The following KCNMB2 variants were observed in gnomAD, a reference collection of about 807,000 sequenced individuals.
KCNMB2 encodes potassium calcium-activated channel subfamily M regulatory beta subunit 2, also known as calcium-activated potassium channel subunit beta-2.
Under a neutral mutation model 24.5 loss-of-function variants are expected in KCNMB2, and 9 were observed. The observed-to-expected ratio is 0.37, with a 90% confidence interval of 0.22 to 0.64. KCNMB2 has a LOEUF of 0.64. Ranked by LOEUF, KCNMB2 falls within the 30% of genes least tolerant of loss-of-function variation. The pLI is 0.63. For missense variants in KCNMB2, 226 were observed against 284.3 expected (o/e 0.79, Z 1.47); for synonymous variants, 109 against 104.4 (o/e 1.04, Z -0.27).
chr3:178,587,509 C>T (rs542664442), intron 1 of KCNMB2, among the ~76,000 whole-genome samples: 3 of 152,148 alleles, frequency 2.0e-5, no homozygotes, highest in South Asian at 2.1e-4. Flanking sequence ...CTGCAACCTC[C>T]GCCTCCCGGG....
At chr3:178,660,966 T>C (rs760490177) in intron 1 of KCNMB2, among the ~76,000 whole-genome samples, 62 of 148,304 alleles carry the variant, frequency 4.2e-4, no homozygotes, top group Non-Finnish European at 7.4e-4. Flanking sequence ...CCTTCAGTGT[T>C]TTTTATATAT....
chr3:178,700,435 G>A (rs1053200699), intron 1 of KCNMB2, among the ~76,000 whole-genome samples: 1 of 152,166 alleles, frequency 6.6e-6, no homozygotes, highest in Admixed American at 6.5e-5. Context: ...TCCTTACCAG[G>A]GAGGTAAATT....
intron 1 of KCNMB2, among the ~76,000 whole-genome samples, chr3:178,744,763 T>C (rs535466786): frequency 6.6e-6 from 1 of 151,892 alleles, no homozygotes; most frequent in African/African-American, 2.4e-5. Flanking sequence ...AGACCTGCAA[T>C]GAACCCAGGG....
In KCNMB2 at chr3:178,807,366, C is replaced by T. The variant is rs80088676; in HGVS notation, c.-44C>T. ...AGGTCTTTTTGCCATTCCTCCAGGA[C>T]ATCCACCATAAGGAAAGGAGACCCT... On this transcript the variant is annotated 5_prime_UTR_variant, in exon 2 of 5. Coordinates refer to ENST00000452583, the MANE Select transcript of KCNMB2 (RefSeq NM_181361.3). 23 of 1,552,902 alleles carry T rather than the reference C, an allele frequency of 1.5e-5. No individual in the cohort carries two copies. In the African/African-American group the frequency reaches 3.0e-4, roughly 20 times the overall value.
chr3:178,745,364 G>C (rs940924252), intron 1 of KCNMB2, among the ~76,000 whole-genome samples: 1 of 152,114 alleles, frequency 6.6e-6, no homozygotes. Flanking sequence ...CAGATCTTGT[G>C]AGACTTATTT....
At chr3:178,758,125 T>C (rs139556382) in intron 1 of KCNMB2, among the ~76,000 whole-genome samples, 9 of 71,872 alleles carry the variant, frequency 1.3e-4, no homozygotes, top group Non-Finnish European at 2.8e-4. Flanking sequence ...GATATATATA[T>C]GTACACACAA....
intron 1 of KCNMB2, among the ~76,000 whole-genome samples, chr3:178,568,688 A>G (rs753324837): frequency 6.7e-6 from 1 of 150,260 alleles, no homozygotes; most frequent in Admixed American, 6.6e-5. Flanking sequence ...AGGAATACTT[A>G]TTGAACTAAT....
intron 1 of KCNMB2, among the ~76,000 whole-genome samples, chr3:178,662,119 C>T (rs1720554242): frequency 6.6e-6 from 1 of 152,152 alleles, no homozygotes. Context: ...ATATTGTTTT[C>T]ACAATTATAA....
In KCNMB2 at chr3:178,567,237, G is replaced by A. The variant is rs989695043; in HGVS notation, c.-68+30526G>A. 2.3e-4 allele frequency among the ~76,000 whole-genome samples: 34 copies of A among 150,494 alleles called. 1 individual carries two copies. Among genetic ancestry groups the A allele is most frequent in the South Asian group, 1.7e-3 (8 of 4,800 alleles). ...TACACATGTGTGAGAGCGTGTGAGAGTGTGTGTGTGTGTCTAAATAGCTCA... is the reference window on the plus strand; with the variant it reads ...TACACATGTGTGAGAGCGTGTGAGAATGTGTGTGTGTGTCTAAATAGCTCA... On this transcript the variant is annotated intron_variant, in intron 1 of 4. Coordinates refer to ENST00000452583, the MANE Select transcript of KCNMB2 (RefSeq NM_181361.3).
At position 178,663,105 on chromosome 3, in the gene KCNMB2, G is replaced by A. The variant is rs991911121; in HGVS notation, c.-68+126394G>A. Among the ~76,000 whole-genome samples the A allele has an allele frequency of 4.6e-5, 7 of 152,082 alleles. No individual in the cohort carries two copies. The South Asian group carries it at 8.3e-4, about 18-fold the overall frequency. ...CTAGGACAGCAGAGCCTCTCTCTCC[G>A]TTGGTCCCTCATCTTCAAGGAGGCT... On this transcript the variant is annotated intron_variant, in intron 1 of 4. Coordinates refer to ENST00000452583, the MANE Select transcript of KCNMB2 (RefSeq NM_181361.3).
chr3:178,712,967 G>A lies in KCNMB2; in HGVS notation c.-67-94376G>A, dbSNP rs140353940. ...CAAACTCATAGCCCTAGCCCACAGG[G>A]GGCTGGAAACAAGAACCCAGGTTTC... is the stretch of plus-strand genomic sequence containing the variant. On this transcript the variant is annotated intron_variant, in intron 1 of 4. Transcript: ENST00000452583. 2.6e-4 allele frequency among the ~76,000 whole-genome samples: 39 copies of A among 152,262 alleles called. 1 individual carries two copies. The South Asian group carries it at 7.7e-3, about 30-fold the overall frequency.
chr3:178,670,044 G>A (rs148332492), intron 1 of KCNMB2, among the ~76,000 whole-genome samples: 119 of 152,218 alleles, frequency 7.8e-4, no homozygotes, highest in African/African-American at 2.5e-3. Flanking sequence ...GAAAGGATTC[G>A]AAGTTGAGCT....
chr3:178,794,054 G>A (rs141158036), intron 1 of KCNMB2, among the ~76,000 whole-genome samples: 47 of 152,256 alleles, frequency 3.1e-4, no homozygotes, highest in African/African-American at 1.1e-3. Flanking sequence ...CATGTAACAT[G>A]TAACAAGGGA....
chr3:178,742,397 A>C (rs1723524162), intron 1 of KCNMB2, among the ~76,000 whole-genome samples: 1 of 152,242 alleles, frequency 6.6e-6, no homozygotes, highest in Non-Finnish European at 1.5e-5. Flanking sequence ...GCTGTGGCAA[A>C]GCAAGTAACT....
intron 1 of KCNMB2, among the ~76,000 whole-genome samples, chr3:178,663,536 T>G (rs1720611173): frequency 1.3e-5 from 2 of 152,256 alleles, no homozygotes; most frequent in South Asian, 4.1e-4. Context: ...AATGATTTCT[T>G]TCTGACTTAC....
intron 1 of KCNMB2, among the ~76,000 whole-genome samples, chr3:178,780,300 G>A (rs781633266): frequency 1.3e-5 from 2 of 151,988 alleles, no homozygotes; most frequent in African/African-American, 2.4e-5. Flanking sequence ...TTCTCCCTAA[G>A]GAATCTTTAT....
chr3:178,766,957 G>A (rs951051746), intron 1 of KCNMB2, among the ~76,000 whole-genome samples: 2 of 152,138 alleles, frequency 1.3e-5, no homozygotes, highest in Non-Finnish European at 2.9e-5. Flanking sequence ...ACAATCTAAG[G>A]CAATAGTTCT....
chr3:178,793,121 C>G (rs1713391401), intron 1 of KCNMB2, among the ~76,000 whole-genome samples: 1 of 152,234 alleles, frequency 6.6e-6, no homozygotes, highest in Admixed American at 6.5e-5. Flanking sequence ...CAGCCCTGCT[C>G]TCAGACATAC....
intron 1 of KCNMB2, among the ~76,000 whole-genome samples, chr3:178,570,739 G>C (rs1285066525): frequency 6.6e-6 from 1 of 151,988 alleles, no homozygotes; most frequent in Non-Finnish European, 1.5e-5. Context: ...AGAAATGACT[G>C]TCAAGAAAAT....
Sources: allele counts gnomAD v4.1 joint callset (sites outside exome capture counted in the v4.1 genomes callset), GRCh38; gene constraint gnomAD v4.1.1; transcripts MANE v1.5; gene names NCBI Gene and HGNC (gene_info 2026-07-23, HGNC 2026-07-21).